C19orf47: variants seen among roughly 807,000 people sequenced by gnomAD.
C19orf47 encodes the protein uncharacterized protein C19orf47.
In C19orf47, 18 loss-of-function variants were observed where a neutral mutation model predicts 32.3. The observed-to-expected ratio is 0.56, with a 90% CI of 0.39 to 0.83. The LOEUF (loss-of-function observed/expected upper bound fraction) is 0.83. Among genes scored for constraint, C19orf47 ranks in the 40% least tolerant of loss-of-function variants. The pLI is 0.00. For synonymous variants in C19orf47, 202 were observed against 211.1 expected (o/e 0.96, Z 0.37); for missense variants, 484 against 531.6 (o/e 0.91, Z 0.88).
intron 1 of C19orf47, 87 bp from the exon 2 acceptor site, chr19:40,341,977 G>A: frequency 1.3e-6 from 2 of 1,531,956 alleles, no homozygotes; most frequent in Non-Finnish European, 8.7e-7. Flanking sequence ...CTGCATGCCA[G>A]AGGAATGTTC....
chr19:40,318,552 A>C (rs755214610), downstream of C19orf47, among the ~76,000 whole-genome samples: 1 of 152,220 alleles, frequency 6.6e-6, no homozygotes, highest in African/African-American at 2.4e-5. Context: ...ATTACCTATG[A>C]AGTAGAATCA....
intron 2 of C19orf47, among the ~76,000 whole-genome samples, chr19:40,341,002 T>C (rs1369036797): frequency 2.1e-5 from 3 of 140,082 alleles, no homozygotes; most frequent in Non-Finnish European, 4.6e-5. Flanking sequence ...AAGGATATAC[T>C]CAGATTTTGC....
intron 1 of C19orf47, among the ~76,000 whole-genome samples, chr19:40,343,963 T>C (rs2145620611): frequency 6.6e-6 from 1 of 151,856 alleles, no homozygotes; most frequent in Non-Finnish European, 1.5e-5. Context: ...ACCCAGCTAA[T>C]TTTTGTATTT....
chr19:40,304,885 G>T, the C19orf47 span, among the ~76,000 whole-genome samples: 13 of 152,270 alleles, frequency 8.5e-5, no homozygotes, highest in African/African-American at 2.6e-4. Context: ...TGATTAGGAA[G>T]GTTAAAGCTC....
At chr19:40,328,670 T>C in intron 5 of C19orf47, 120 bp from the exon 6 acceptor site, 1 of 1,323,644 alleles carries the variant, frequency 7.6e-7, no homozygotes, top group Non-Finnish European at 1.0e-6. Context: ...GGTCAGCGGG[T>C]ATCACCCTGT....
At chr19:40,318,519 A>G (rs1207880968), downstream of C19orf47, among the ~76,000 whole-genome samples, 3 of 152,208 alleles carry the variant, frequency 2.0e-5, no homozygotes, top group African/African-American at 7.2e-5. Context: ...GAACTCTTCC[A>G]GTTCACCCCA....
At position 40,322,122 on chromosome 19, in the gene C19orf47, C is replaced by G; in HGVS notation, c.918G>C (p.Lys306Asn). The change falls in exon 9 of 9, where the codon AAG (lysine) becomes AAC (asparagine). Residue 306 changes from lysine to asparagine, a missense_variant. Coordinates refer to ENST00000683109, the MANE Select transcript of C19orf47 (RefSeq NM_001256441.2). ...TGCTGACTTTAGACAAGGACTCCGG[C>G]TTCCTCTCAAGCCCAGACCGTGAGG... Reference protein sequence around the residue: ...ALSSRSGLERKPESLSKVSII... With the variant: ...ALSSRSGLERNPESLSKVSII... 6.2e-7 allele frequency: 1 copy of G among 1,614,128 alleles called. No homozygotes were observed. Among genetic ancestry groups the G allele is most frequent in the Non-Finnish European group, 8.5e-7 (1 of 1,180,036 alleles).
At chr19:40,308,469 T>G in the C19orf47 span, among the ~76,000 whole-genome samples, 1 of 140,300 alleles carries the variant, frequency 7.1e-6, no homozygotes, top group Non-Finnish European at 1.5e-5. Flanking sequence ...AGTCAACTTT[T>G]TTTTTTTTTT....
At chr19:40,298,019 G>A in the C19orf47 span, among the ~76,000 whole-genome samples, 1 of 150,620 alleles carries the variant, frequency 6.6e-6, no homozygotes, top group Non-Finnish European at 1.5e-5. Flanking sequence ...CAGCTTGGGT[G>A]ACAGAGTGAC....
At chr19:40,328,623 C>T (rs1180036871) in intron 5 of C19orf47, 73 bp from the exon 6 acceptor site, 1 of 1,516,534 alleles carries the variant, frequency 6.6e-7, no homozygotes, top group Non-Finnish European at 8.8e-7. Context: ...GTCTCAGGGT[C>T]AGGATGGAGA....
At chr19:40,316,284 T>C (rs2077661355), downstream of C19orf47, among the ~76,000 whole-genome samples, 1 of 152,188 alleles carries the variant, frequency 6.6e-6, no homozygotes, top group African/African-American at 2.4e-5. Context: ...CTGGCTTTAG[T>C]ATCCACTGAT....
At position 40,322,311 on chromosome 19, in the gene C19orf47, G is replaced by A. The variant is rs148302304; in HGVS notation, c.729C>T (p.Ser243=). The change falls in exon 9 of 9, where the codon AGC becomes AGT. Residue 243 remains serine (S), a synonymous_variant. Transcript: ENST00000683109. ...AGACAGAGCTGCTGCTGTCATTGTC[G>A]CTGTCCCAAGCCAGATCCTCGTCCG... ...PETDEDLAWD[S]DNDSSSSVLQ... 871 of 1,607,724 alleles carry A rather than the reference G, an allele frequency of 5.4e-4. 2 individuals are homozygous for A. In the African/African-American group the frequency reaches 0.01, roughly 19 times the overall value.
At chr19:40,347,574 T>C (rs2078338111) in intron 1 of C19orf47, among the ~76,000 whole-genome samples, 1 of 151,896 alleles carries the variant, frequency 6.6e-6, no homozygotes, top group South Asian at 2.1e-4. Flanking sequence ...AAATTTGCCT[T>C]CTCAAATTAA....
At chr19:40,346,093 T>C (rs1407030404) in intron 1 of C19orf47, among the ~76,000 whole-genome samples, 2 of 149,216 alleles carry the variant, frequency 1.3e-5, no homozygotes, top group East Asian at 3.9e-4. Flanking sequence ...GAGGCAGAGG[T>C]TGCAGTGAGC....
chr19:40,346,155 CAA>C (rs111655238), intron 1 of C19orf47, among the ~76,000 whole-genome samples: 28 of 85,628 alleles, frequency 3.3e-4, no homozygotes, highest in Admixed American at 3.9e-4. Flanking sequence ...GACTCCATCT[CAA>C]AAAAAAAAAA....
chr19:40,325,627 C>CA (rs1409122539), intron 7 of C19orf47, among the ~76,000 whole-genome samples: 1 of 151,536 alleles, frequency 6.6e-6, no homozygotes, highest in African/African-American at 2.4e-5. Context: ...GACCCTATCA[C>CA]AAAAAAATAA....
the C19orf47 span, among the ~76,000 whole-genome samples, chr19:40,313,460 G>A: frequency 6.6e-6 from 1 of 152,060 alleles, no homozygotes; most frequent in African/African-American, 2.4e-5. Context: ...AAGCAGCTGG[G>A]ACTACAGCCA....
the C19orf47 span, among the ~76,000 whole-genome samples, chr19:40,306,479 T>C: frequency 6.6e-6 from 1 of 152,070 alleles, no homozygotes; most frequent in Admixed American, 6.6e-5. Context: ...CTCGGCTTAC[T>C]GCAACCTCCG....
the C19orf47 span, among the ~76,000 whole-genome samples, chr19:40,294,453 T>C: frequency 1.2e-4 from 18 of 150,510 alleles, no homozygotes; most frequent in Admixed American, 1.1e-3. Flanking sequence ...TGAGGGGAGG[T>C]ATTATTGTTT....
Sources: gnomAD v4.1 joint callset for allele counts (sites outside exome capture counted in the v4.1 genomes callset) on GRCh38, gnomAD v4.1.1 for gene constraint, MANE v1.5 for transcripts, NCBI Gene and HGNC (gene_info 2026-07-23, HGNC 2026-07-21) for gene names.